The following DSCAM variants were observed in gnomAD, a reference collection of about 807,000 sequenced individuals.
The protein encoded by DSCAM is DS cell adhesion molecule.
DSCAM carries 47 observed loss-of-function variants against 217.7 expected under a neutral mutation model. The observed-to-expected ratio is 0.22, with a 90% CI of 0.17 to 0.28. The LOEUF (loss-of-function observed/expected upper bound fraction) is 0.28, where lower values mean the gene tolerates loss of function less well. DSCAM is among the 10% of genes least tolerant of loss of function. The pLI is 1.00. For synonymous variants in DSCAM, 1,056 were observed against 1,015.3 expected (o/e 1.04, Z -0.76); for missense variants, 2,080 against 2,618.3 (o/e 0.79, Z 4.49).
chr21:40,361,331 A>G (rs1378041572), intron 4 of DSCAM, among the ~76,000 whole-genome samples: 2 of 151,978 alleles, frequency 1.3e-5, no homozygotes, highest in East Asian at 3.9e-4. Context: ...AACAAAAGGG[A>G]AACTATAGGC....
intron 9 of DSCAM, among the ~76,000 whole-genome samples, chr21:40,301,472 G>A (rs1317476095): frequency 6.6e-6 from 1 of 152,178 alleles, no homozygotes; most frequent in Non-Finnish European, 1.5e-5. Context: ...GCTTCTTCAT[G>A]TCTGTTTAAT....
intron 3 of DSCAM, chr21:40,383,868 T>A (rs564476279): frequency 6.6e-6 from 1 of 152,218 alleles, no homozygotes; most frequent in Admixed American, 6.5e-5. Context: ...ACAGATGGCA[T>A]TCAATGATTG....
chr21:40,185,329 T>C (rs1002046934), intron 14 of DSCAM, among the ~76,000 whole-genome samples: 7 of 152,146 alleles, frequency 4.6e-5, no homozygotes, highest in African/African-American at 1.2e-4. Flanking sequence ...TTGAGGTGGA[T>C]GCAGCAGTGC....
At chr21:40,262,291 A>G (rs1601495495) in intron 11 of DSCAM, among the ~76,000 whole-genome samples, 1 of 152,108 alleles carries the variant, frequency 6.6e-6, no homozygotes, top group Admixed American at 6.5e-5. Flanking sequence ...GATATTTAGG[A>G]GATAATTAGA....
rs1223963613 is a variant in DSCAM at position 40,617,016 on chromosome 21, CAAA to C, written c.508+75791_508+75793del. Among the ~76,000 whole-genome samples, 620 of 68,890 alleles carry C rather than the reference CAAA, an allele frequency of 9.0e-3. 4 individuals are homozygous for C. Among genetic ancestry groups the C allele is most frequent in the African/African-American group, 0.032 (540 of 16,734 alleles). 45.2% of individuals were successfully genotyped at this position (68,890 alleles called of 152,430 possible). A position where few individuals can be genotyped will look rare whatever the true frequency, so the allele number is the denominator to read the frequency against. ...TGGGCGACAGAGCAAGACTCCGTCT[CAAA>C]AAAAAAAAAAAAAAGAATGGTTATG... On this transcript the variant is annotated intron_variant, in intron 3 of 32. Transcript: ENST00000400454.
chr21:40,047,080 G>T (rs943731309), intron 30 of DSCAM, among the ~76,000 whole-genome samples: 1 of 150,876 alleles, frequency 6.6e-6, no homozygotes, highest in African/African-American at 2.4e-5. Flanking sequence ...TTTAGGTCAT[G>T]ATATTAGTTT....
At chr21:40,304,483 T>C (rs2074050432) in intron 9 of DSCAM, among the ~76,000 whole-genome samples, 1 of 152,268 alleles carries the variant, frequency 6.6e-6, no homozygotes, top group Non-Finnish European at 1.5e-5. Context: ...GCATTTTTCA[T>C]TGCCCTCAAG....
intron 3 of DSCAM, among the ~76,000 whole-genome samples, chr21:40,407,940 T>C (rs956238924): frequency 6.6e-5 from 10 of 152,244 alleles, no homozygotes; most frequent in African/African-American, 2.4e-4. Flanking sequence ...TCCAGAGGAA[T>C]ATCTTGATGG....
In DSCAM at chr21:40,298,303, G is replaced by C. The variant is rs144606190; in HGVS notation, c.2063-2129C>G. On this transcript the variant is annotated intron_variant, in intron 9 of 32. Transcript: ENST00000400454. ...TTACCATCTTGGCCAGGCTGGTCTT[G>C]AACTCCTGATCTCGTGATCCACCAG... Among the ~76,000 whole-genome samples, 849 of 151,990 alleles carry C rather than the reference G, an allele frequency of 5.6e-3. 9 individuals carry two copies. The highest frequency in any genetic ancestry group is 0.02 in the African/African-American group (820 of 41,474).
intron 3 of DSCAM, among the ~76,000 whole-genome samples, chr21:40,654,080 T>C (rs950310566): frequency 2.7e-5 from 4 of 147,292 alleles, no homozygotes; most frequent in African/African-American, 7.8e-5. Flanking sequence ...GGGTGACAGA[T>C]TGAGATTCCA....
intron 3 of DSCAM, among the ~76,000 whole-genome samples, chr21:40,478,491 T>C (rs2075955879): frequency 6.6e-6 from 1 of 152,206 alleles, no homozygotes; most frequent in Non-Finnish European, 1.5e-5. Flanking sequence ...CCAAATAAAA[T>C]AGCAAATTGT....
At chr21:40,473,359 G>A (rs1021119365) in intron 3 of DSCAM, among the ~76,000 whole-genome samples, 7 of 152,176 alleles carry the variant, frequency 4.6e-5, no homozygotes, top group African/African-American at 1.7e-4. Context: ...AGCTTATTGG[G>A]AATCCACCAG....
intron 1 of DSCAM, among the ~76,000 whole-genome samples, chr21:40,721,518 A>C (rs933707335): frequency 6.6e-6 from 1 of 152,172 alleles, no homozygotes; most frequent in African/African-American, 2.4e-5. Flanking sequence ...GAGATTCAAA[A>C]TGTAATATAT....
intron 24 of DSCAM, 92 bp downstream of exon 24, chr21:40,083,816 A>G: frequency 1.0e-6 from 1 of 960,652 alleles, no homozygotes; most frequent in South Asian, 1.7e-5. Flanking sequence ...GAATAAAGTA[A>G]CACATACCAG....
intron 3 of DSCAM, among the ~76,000 whole-genome samples, chr21:40,658,599 T>C (rs2090101252): frequency 6.6e-6 from 1 of 152,166 alleles, no homozygotes; most frequent in Non-Finnish European, 1.5e-5. Flanking sequence ...ATCTGTAAAA[T>C]ATGGCTGCAT....
intron 4 of DSCAM, among the ~76,000 whole-genome samples, chr21:40,356,286 A>G (rs2074691883): frequency 6.6e-6 from 1 of 152,052 alleles, no homozygotes; most frequent in Admixed American, 6.6e-5. Context: ...ATTTGCAAAG[A>G]CAGTTGATCT....
rs370075378 is a variant in DSCAM at position 40,293,697 on chromosome 21, CT to C, written c.2182+2357del. Among the ~76,000 whole-genome samples the C allele has an allele frequency of 6.4e-4, 97 of 152,236 alleles. No homozygotes were observed. In the South Asian group the frequency reaches 8.9e-3, roughly 14 times the overall value. ...ATTAGCCAGGCTTGGTGGTGTACAC[CT>C]GTAATCCCAGCTACTACTTGGGAGG... On this transcript the variant is annotated intron_variant, in intron 10 of 32. Transcript: ENST00000400454.
chr21:40,363,308 A>G (rs1448633069), intron 4 of DSCAM, among the ~76,000 whole-genome samples: 13 of 140,066 alleles, frequency 9.3e-5, no homozygotes, highest in African/African-American at 3.5e-4. Context: ...GCTGGAGTGC[A>G]ATGGTGCCAT....
intron 20 of DSCAM, among the ~76,000 whole-genome samples, chr21:40,103,214 A>G (rs2089776638): frequency 6.6e-6 from 1 of 152,236 alleles, no homozygotes; most frequent in African/African-American, 2.4e-5. Flanking sequence ...TTTTAATGAA[A>G]AACTAATTCT....
Sources: allele counts gnomAD v4.1 joint callset (sites outside exome capture counted in the v4.1 genomes callset), GRCh38; gene constraint gnomAD v4.1.1; transcripts MANE v1.5; gene names NCBI Gene and HGNC (gene_info 2026-07-23, HGNC 2026-07-21).